The following COPG2 variants were observed in gnomAD, a reference collection of about 807,000 sequenced individuals.
COPG2 encodes the protein coatomer subunit gamma-2.
Under a neutral mutation model 46.3 loss-of-function variants are expected in COPG2, and 37 were observed. That is an observed-to-expected ratio of 0.80 (90% confidence interval 0.61 to 1.05). The LOEUF (loss-of-function observed/expected upper bound fraction) is 1.05, where lower values mean the gene tolerates loss of function less well. Ranked by LOEUF, COPG2 falls within the 50% of genes least tolerant of loss-of-function variation. The pLI, the probability that COPG2 is intolerant of heterozygous loss-of-function variation, is 0.00. For synonymous variants in COPG2, 159 were observed against 129.7 expected, an observed-to-expected ratio of 1.23 and a Z score of -1.53; for missense variants, 427 against 387.8, an observed-to-expected ratio of 1.10 and a Z score of -0.85.
Position 130,626,430 on chromosome 7 carries a change from T to C in COPG2, c.324-9365A>G, listed in dbSNP as rs567413075. Among the ~76,000 whole-genome samples the C allele has an allele frequency of 2.0e-5, 3 of 146,946 alleles. No individual in the cohort carries two copies. In the East Asian group the frequency reaches 6.0e-4, roughly 29 times the overall value. On this transcript the variant is annotated intron_variant, in intron 5 of 23. Transcript: ENST00000425248. ...TTTTTTTTTTTTTTTTTCTATTTTT[T>C]AGTAGAGACAGGATTTCACTTTGTT...
At chr7:130,584,670 T>C (rs1302676285) in intron 9 of COPG2, among the ~76,000 whole-genome samples, 4 of 151,926 alleles carry the variant, frequency 2.6e-5, no homozygotes, top group Non-Finnish European at 5.9e-5. Flanking sequence ...CAATAGCAAC[T>C]AAGCGGAGAA....
intron 9 of COPG2, among the ~76,000 whole-genome samples, chr7:130,573,145 A>C (rs549803448): frequency 2.3e-4 from 35 of 152,012 alleles, no homozygotes; most frequent in African/African-American, 7.9e-4. Flanking sequence ...CAAACTACTA[A>C]AGATGACTCA....
intron 17 of COPG2, 63 bp from the exon 18 acceptor site, chr7:130,549,439 G>GAC: frequency 2.5e-6 from 1 of 398,366 alleles, no homozygotes. Context: ...TAGCAATGCA[G>GAC]ACAGAAAGAG....
chr7:130,556,470 C>T (rs1793628945), intron 12 of COPG2, among the ~76,000 whole-genome samples: 2 of 152,022 alleles, frequency 1.3e-5, no homozygotes, highest in South Asian at 2.1e-4. Flanking sequence ...TACCAACAAT[C>T]GGATAACCCC....
chr7:130,543,682 A>G (rs1158354264), intron 20 of COPG2, among the ~76,000 whole-genome samples: 1 of 152,202 alleles, frequency 6.6e-6, no homozygotes, highest in Non-Finnish European at 1.5e-5. Flanking sequence ...GGACAGATGA[A>G]CAAAGACTGG....
chr7:130,654,010 C>T (rs543549180), intron 4 of COPG2, among the ~76,000 whole-genome samples: 10 of 143,966 alleles, frequency 6.9e-5, no homozygotes, highest in African/African-American at 2.0e-4. Flanking sequence ...ACTAGAGATA[C>T]GAAAAAAATT....
rs1240908376 is a variant in COPG2 at position 130,547,380 on chromosome 7, A to C, written c.2149+294T>G. The C allele has an allele frequency of 3.5e-5, 10 of 288,400 alleles. No homozygotes were observed. The South Asian group carries it at 4.9e-4, about 14-fold the overall frequency. 17.9% of individuals were successfully genotyped at this position (288,400 alleles called of 1,614,324 possible). ...CTCTCACAAGTGGTCACATTATTCC[A>C]ACAGAAAGCTTGAGTTCCTTTTTGT... On this transcript the variant is annotated intron_variant, in intron 20 of 23. Transcript: ENST00000425248.
chr7:130,577,767 C>CAAAAAAAAAAAAA (rs782674348), intron 9 of COPG2, among the ~76,000 whole-genome samples: 52 of 77,920 alleles, frequency 6.7e-4, no homozygotes, highest in African/African-American at 1.6e-3. Context: ...GACTCCGTCT[C>CAAAAAAAAAAAAA]AAAAAAAAAA....
rs782109895 is a variant in COPG2, at chr7:130,612,197, G to A, written c.534C>T (p.Ile178=). 1 of 1,611,008 alleles carries A rather than the reference G, an allele frequency of 6.2e-7. No individual in the cohort carries two copies. The highest frequency in any genetic ancestry group is 8.5e-7 in the Non-Finnish European group (1 of 1,178,854). The change falls in exon 8 of 24, where the codon ATC becomes ATT. Residue 178 remains isoleucine, a synonymous_variant. Coordinates refer to ENST00000425248, the MANE Select transcript of COPG2 (RefSeq NM_012133.6). The stretch of plus-strand genomic sequence containing the variant: ...TTGATGCAGCTTCTTGGGCTTCATT[G>A]ATCCAGCGCTTAACCACATCATAGC... ...KISYDVVKRW[I]NEAQEAASSD...
intron 20 of COPG2, among the ~76,000 whole-genome samples, chr7:130,526,707 A>G (rs1416375269): frequency 3.3e-5 from 5 of 151,708 alleles, no homozygotes; most frequent in African/African-American, 9.7e-5. Context: ...AAGGGAAAGT[A>G]TAAGAGGGGT....
At chr7:130,628,913 T>C (rs970173270) in intron 5 of COPG2, among the ~76,000 whole-genome samples, 4 of 152,086 alleles carry the variant, frequency 2.6e-5, no homozygotes, top group African/African-American at 7.2e-5. Flanking sequence ...TCAGGCATAG[T>C]AGTGTTCGCC....
At chr7:130,575,037 C>T (rs1356515234) in intron 9 of COPG2, among the ~76,000 whole-genome samples, 1 of 152,054 alleles carries the variant, frequency 6.6e-6, no homozygotes, top group Non-Finnish European at 1.5e-5. Flanking sequence ...AACAAAGACT[C>T]CAAGAAGTCT....
chr7:130,522,681 A>T (rs1190130411), intron 20 of COPG2, among the ~76,000 whole-genome samples: 1 of 152,128 alleles, frequency 6.6e-6, no homozygotes, highest in Non-Finnish European at 1.5e-5. Context: ...TGTGCAAAAG[A>T]AAGTGCTTCC....
At chr7:130,543,957 G>T (rs1364786765) in intron 20 of COPG2, among the ~76,000 whole-genome samples, 1 of 152,142 alleles carries the variant, frequency 6.6e-6, no homozygotes, top group African/African-American at 2.4e-5. Context: ...GGGTAAATAA[G>T]GAAATCTCAG....
intron 1 of COPG2, among the ~76,000 whole-genome samples, chr7:130,668,394 G>A (rs1796139074): frequency 6.7e-6 from 1 of 148,836 alleles, no homozygotes; most frequent in Non-Finnish European, 1.5e-5. Context: ...CGGGAACGGG[G>A]CGCGCGCGGG....
rs145399851 is a variant in COPG2 at position 130,654,585 on chromosome 7, T to C, written c.244-1637A>G. On this transcript the variant is annotated intron_variant, in intron 4 of 23. Transcript: ENST00000425248. ...ATGTATATATACACATATGTTGATATACTCATATACGTATAAGGAATCAGA... is the reference window on the plus strand; with the variant it reads ...ATGTATATATACACATATGTTGATACACTCATATACGTATAAGGAATCAGA... Among the ~76,000 whole-genome samples the C allele has an allele frequency of 9.2e-5, 14 of 152,334 alleles. 1 individual carries two copies. In the East Asian group the frequency reaches 2.7e-3, roughly 29 times the overall value.
intron 18 of COPG2, 87 bp downstream of exon 18, chr7:130,549,227 C>T (rs896617511): frequency 2.3e-5 from 9 of 397,674 alleles, no homozygotes; most frequent in Admixed American, 4.4e-5. Context: ...TATTGAGAAC[C>T]GATCAATTTG....
At position 130,549,336 on chromosome 7, in the gene COPG2, A is replaced by G. The variant is rs1373100522; in HGVS notation, c.1815T>C (p.Pro605=). 2 of 398,502 alleles carry G rather than the reference A, an allele frequency of 5.0e-6. No homozygotes were observed. Among genetic ancestry groups the G allele is most frequent in the Non-Finnish European group, 8.8e-6 (2 of 226,054 alleles). The allele number at this position is 398,502 out of a possible 1,614,324, so 24.7% of individuals were successfully genotyped here. Residue 605 remains proline (P), a synonymous_variant, in exon 18 of 24, where the codon CCT becomes CCC. Coordinates refer to ENST00000425248, the MANE Select transcript of COPG2 (RefSeq NM_012133.6). ...TACCTTGGAAAATGTCTTGCCTGGA[A>G]GGAGCCAACTTCTCTGGCTTAGTAG... ...LVATKPEKLA[P]SRQDIFQEQL...
intron 9 of COPG2, among the ~76,000 whole-genome samples, chr7:130,573,339 A>G (rs1793941691): frequency 6.6e-6 from 1 of 152,006 alleles, no homozygotes; most frequent in Non-Finnish European, 1.5e-5. Context: ...TTTACTAACC[A>G]ACTAATTCTA....
Sources: gnomAD v4.1 joint callset for allele counts (sites outside exome capture counted in the v4.1 genomes callset) on GRCh38, gnomAD v4.1.1 for gene constraint, MANE v1.5 for transcripts, NCBI Gene and HGNC (gene_info 2026-07-23, HGNC 2026-07-21) for gene names.